NAV1: variants seen among roughly 807,000 people sequenced by gnomAD.
NAV1 encodes the protein pore membrane and/or filament interacting like protein 3.
NAV1 carries 18 observed loss-of-function variants against 175.2 expected under a neutral mutation model. The observed-to-expected ratio is 0.10, with a 90% CI of 0.07 to 0.15. The LOEUF (loss-of-function observed/expected upper bound fraction) is 0.15. Among genes scored for constraint, NAV1 ranks in the 10% least tolerant of loss-of-function variants. The probability of loss-of-function intolerance (pLI) is 1.00; values close to 1 mark genes in which losing one functional copy is unlikely to be tolerated. For missense variants in NAV1, 1,731 were observed against 2,436.6 expected, an observed-to-expected ratio of 0.71 and a Z score of 6.10; for synonymous variants, 897 against 978.7, an observed-to-expected ratio of 0.92 and a Z score of 1.56.
upstream of NAV1, among the ~76,000 whole-genome samples, chr1:201,618,484 A>G (rs1312793890): frequency 6.6e-6 from 1 of 152,112 alleles, no homozygotes; most frequent in Non-Finnish European, 1.5e-5. Flanking sequence ...TCCACCCTGT[A>G]AATTGGATCC....
chr1:201,677,869 G>C (rs572965502), intron 1 of NAV1, among the ~76,000 whole-genome samples: 10 of 152,144 alleles, frequency 6.6e-5, no homozygotes, highest in African/African-American at 1.7e-4. Context: ...AGCTCAAGCA[G>C]TTTGCCCACC....
rs559417393 is a variant in NAV1 at position 201,588,898 on chromosome 1, A to C, written c.-33+249A>C. The stretch of plus-strand genomic sequence containing the variant: ...AGTCTCGCTCTATCACCCAGGCTGG[A>C]GTGCAGTGGCATGATCTTGGTTCAC... On this transcript the variant is annotated intron_variant, in intron 2 of 33. Coordinates refer to the NAV1 transcript ENST00000685211. Among the ~76,000 whole-genome samples the C allele has an allele frequency of 7.2e-5, 11 of 151,942 alleles. No homozygotes were observed. The South Asian group carries it at 2.3e-3, about 32-fold the overall frequency.
intron 3 of NAV1, among the ~76,000 whole-genome samples, chr1:201,766,690 G>C (rs975085160): frequency 2.0e-5 from 3 of 152,158 alleles, no homozygotes; most frequent in African/African-American, 7.2e-5. Flanking sequence ...CTCAGGTCAT[G>C]GACCAAATGT....
intron 1 of NAV1, among the ~76,000 whole-genome samples, chr1:201,586,687 A>AG: frequency 6.6e-6 from 1 of 152,100 alleles, no homozygotes; most frequent in Admixed American, 6.6e-5. Context: ...GGAGAGAGGG[A>AG]GAGGGGGAGA....
chr1:201,778,088 T>A (rs1242276620), intron 3 of NAV1, among the ~76,000 whole-genome samples: 1 of 152,204 alleles, frequency 6.6e-6, no homozygotes, highest in East Asian at 1.9e-4. Flanking sequence ...AGTATTTATA[T>A]CCTCTAGCCA....
intron 3 of NAV1, among the ~76,000 whole-genome samples, chr1:201,767,277 C>A (rs1331527445): frequency 1.3e-5 from 2 of 151,306 alleles, no homozygotes; most frequent in African/African-American, 4.8e-5. Context: ...GTGGTGAAAC[C>A]CTGTCTCTAC....
chr1:201,794,223 C>G (rs1677290934), intron 14 of NAV1: 1 of 632,804 alleles, frequency 1.6e-6, no homozygotes, highest in African/African-American at 1.8e-5. Flanking sequence ...GCGATCTTGG[C>G]TAACTGCAAA....
chr1:201,798,297 T>A (rs146794519), intron 15 of NAV1: 55 of 152,358 alleles, frequency 3.6e-4, no homozygotes, highest in African/African-American at 1.2e-3. Flanking sequence ...TGCTCGTTCT[T>A]CCAGTGCTTT....
Position 201,782,378 on chromosome 1 carries a change from T to C in NAV1, c.1866T>C (p.Thr622=), listed in dbSNP as rs1033134423. 2.5e-6 allele frequency: 4 copies of C among 1,614,096 alleles called. No individual in the cohort carries two copies. Among genetic ancestry groups the C allele is most frequent in the Non-Finnish European group, 3.4e-6 (4 of 1,180,004 alleles). Residue 622 remains threonine (T), a synonymous_variant, in exon 6 of 30, where the codon ACT becomes ACC. Transcript: ENST00000367296. This position sits in a 1 kb window ranked among gnomAD's most constrained non-coding sequence, Gnocchi z 5.4. Reference sequence around the variant, plus strand: ...CAGGCACAGCCACTGTCATGCAAACTGGTGGTTCAGCCACTCTCAGCAAGA... The same window carrying C: ...CAGGCACAGCCACTGTCATGCAAACCGGTGGTTCAGCCACTCTCAGCAAGA...
intron 1 of NAV1, among the ~76,000 whole-genome samples, chr1:201,687,810 TG>T (rs1362445519): frequency 6.6e-6 from 1 of 152,104 alleles, no homozygotes; most frequent in Non-Finnish European, 1.5e-5. Context: ...TGGGAACTGA[TG>T]GGAGAGTATG....
At chr1:201,765,166 C>T (rs1401790401) in intron 3 of NAV1, among the ~76,000 whole-genome samples, 1 of 152,066 alleles carries the variant, frequency 6.6e-6, no homozygotes, top group Non-Finnish European at 1.5e-5. Flanking sequence ...TTAGGGTGGC[C>T]TTTTATATTC....
intron 2 of NAV1, among the ~76,000 whole-genome samples, chr1:201,616,633 A>G (rs1668009163): frequency 6.6e-6 from 1 of 152,148 alleles, no homozygotes; most frequent in South Asian, 2.1e-4. Flanking sequence ...GATTACAGGC[A>G]TGCGCCACCA....
chr1:201,793,990 C>A, intron 14 of NAV1, 115 bp downstream of exon 18: 2 of 832,726 alleles, frequency 2.4e-6, no homozygotes, highest in East Asian at 5.2e-5. Flanking sequence ...CTCCCCACCT[C>A]ACTGTCACCC....
chr1:201,705,073 C>T (rs599414), intron 1 of NAV1, among the ~76,000 whole-genome samples: 8,447 of 152,232 alleles, frequency 0.055, 319 homozygotes, highest in South Asian at 0.15. Flanking sequence ...CCCATCTCTA[C>T]CTCCCAAAGT....
chr1:201,689,132 CT>C (rs1303785533), intron 1 of NAV1, among the ~76,000 whole-genome samples: 1 of 152,188 alleles, frequency 6.6e-6, no homozygotes, highest in Non-Finnish European at 1.5e-5. Flanking sequence ...TAAAGAAGTC[CT>C]CCACCTTTTT....
At chr1:201,800,106 T>G (rs1677756474) in intron 15 of NAV1, among the ~76,000 whole-genome samples, 2 of 152,046 alleles carry the variant, frequency 1.3e-5, no homozygotes, top group Non-Finnish European at 2.9e-5. Context: ...CTCATATGAT[T>G]TTCCCACCTA....
upstream of NAV1, among the ~76,000 whole-genome samples, chr1:201,643,725 T>G (rs1194287681): frequency 6.6e-6 from 1 of 152,086 alleles, no homozygotes; most frequent in African/African-American, 2.4e-5. Context: ...AAGGTCACCT[T>G]TCAAGGTCAA....
intron 16 of NAV1, chr1:201,804,142 A>C (rs376040563): frequency 1.9e-5 from 9 of 462,908 alleles, no homozygotes; most frequent in East Asian, 1.4e-4. Context: ...TGTTTTGTGG[A>C]GCTTTCCAGA....
At chr1:201,794,624 T>A (rs756120075) in intron 15 of NAV1, 47 bp downstream of exon 19, 1 of 1,518,174 alleles carries the variant, frequency 6.6e-7, no homozygotes, top group Non-Finnish European at 9.1e-7. Flanking sequence ...AGCAGGAAAG[T>A]AAGAGTATTA....
Sources: allele counts gnomAD v4.1 joint callset (sites outside exome capture counted in the v4.1 genomes callset), GRCh38; gene constraint gnomAD v4.1.1; non-coding constraint Gnocchi (gnomAD v3.1); transcripts MANE v1.5; gene names NCBI Gene and HGNC (gene_info 2026-07-23, HGNC 2026-07-21).